ADAMTS17: variants seen among roughly 807,000 people sequenced by gnomAD.
ADAMTS17 encodes ADAM metallopeptidase with thrombospondin type 1 motif 17.
In ADAMTS17, 113 loss-of-function variants were observed where a neutral mutation model predicts 141.5. That is an observed-to-expected ratio of 0.80 (90% CI 0.69 to 0.93). The LOEUF (loss-of-function observed/expected upper bound fraction) is 0.93, where lower values mean the gene tolerates loss of function less well. Among genes scored for constraint, ADAMTS17 ranks in the 40% least tolerant of loss-of-function variants. The pLI is 0.00. For synonymous variants in ADAMTS17, 768 were observed against 630.6 expected (o/e 1.22, Z -3.27); for missense variants, 1,659 against 1,517.9 (o/e 1.09, Z -1.54).
intron 12 of ADAMTS17, among the ~76,000 whole-genome samples, chr15:100,122,611 C>T (rs2037506647): frequency 6.6e-6 from 1 of 152,134 alleles, no homozygotes; most frequent in South Asian, 2.1e-4. Flanking sequence ...TATTAATAGC[C>T]TATTATCAAA....
At position 100,152,593 on chromosome 15, in the gene ADAMTS17, C is replaced by A. The variant is rs370964046; in HGVS notation, c.1473+19G>T. ...GGATCCATGCTCTGTCCCGAGCCAG[C>A]CCTCCCACGGCTGCTTACCTCCATG... On this transcript the variant is annotated intron_variant, in intron 10 of 21. Coordinates refer to ENST00000268070, the MANE Select transcript of ADAMTS17 (RefSeq NM_139057.4). The A allele has an allele frequency of 1.9e-6, 3 of 1,612,626 alleles. No homozygotes were observed. Among genetic ancestry groups the A allele is most frequent in the South Asian group, 2.2e-5 (2 of 91,074 alleles).
At chr15:100,154,140 C>T (rs921416842) in intron 9 of ADAMTS17, among the ~76,000 whole-genome samples, 3 of 152,088 alleles carry the variant, frequency 2.0e-5, no homozygotes, top group Non-Finnish European at 2.9e-5. Flanking sequence ...AAGATCGCAC[C>T]ACTGCACTCC....
chr15:100,263,148 G>C (rs1416631011), intron 4 of ADAMTS17, among the ~76,000 whole-genome samples: 1 of 152,200 alleles, frequency 6.6e-6, no homozygotes, highest in Non-Finnish European at 1.5e-5. Flanking sequence ...TTTCATGCTT[G>C]GGGTTTAAGG....
chr15:100,008,164 G>A (rs573709388), intron 18 of ADAMTS17, among the ~76,000 whole-genome samples: 1 of 152,098 alleles, frequency 6.6e-6, no homozygotes, highest in African/African-American at 2.4e-5. Context: ...TGCTTGCTGA[G>A]TGGGCTCTGC....
intron 7 of ADAMTS17, among the ~76,000 whole-genome samples, chr15:100,249,174 C>T (rs146225389): frequency 1.3e-5 from 2 of 152,286 alleles, no homozygotes; most frequent in East Asian, 3.9e-4. Context: ...TGTGGTGAGG[C>T]CTCTGCACTG....
At chr15:100,125,124 T>C (rs2037663758) in intron 12 of ADAMTS17, among the ~76,000 whole-genome samples, 2 of 152,206 alleles carry the variant, frequency 1.3e-5, no homozygotes, top group African/African-American at 2.4e-5. Flanking sequence ...CTGGCAGTTC[T>C]GGTCCCTGCC....
At position 99,973,973 on chromosome 15, in the gene ADAMTS17, T is replaced by G. The variant is rs2581346; in HGVS notation, c.*429A>C. The G allele has an allele frequency of 0.62, 170,439 of 275,350 alleles. 53,705 individuals are homozygous for G. The highest frequency in any genetic ancestry group is 0.64 in the Non-Finnish European group (90,996 of 141,722). 17.1% of individuals were successfully genotyped at this position (275,350 alleles called of 1,614,324 possible). On this transcript the variant is annotated 3_prime_UTR_variant, in exon 22 of 22. Coordinates refer to ENST00000268070, the MANE Select transcript of ADAMTS17 (RefSeq NM_139057.4). ...TCACCAACACCTGCCCCTCCCTCCA[T>G]GGTGTCGCCGGCTTTCAGAATAAAG...
chr15:100,277,450 C>G (rs1279115969), intron 4 of ADAMTS17, among the ~76,000 whole-genome samples: 1 of 152,180 alleles, frequency 6.6e-6, no homozygotes, highest in Non-Finnish European at 1.5e-5. Context: ...AAGCAAATAT[C>G]AAAGTCGAAG....
In ADAMTS17 at chr15:100,331,191, C is replaced by G. The variant is rs1228427322; in HGVS notation, c.451-137G>C. 5 of 1,084,440 alleles carry G rather than the reference C, an allele frequency of 4.6e-6. No homozygotes were observed. The Admixed American group carries it at 5.9e-5, about 13-fold the overall frequency. The allele number at this position is 1,084,440 out of a possible 1,614,324, so 67.2% of individuals were successfully genotyped here. On this transcript the variant is annotated intron_variant, in intron 2 of 21. Coordinates refer to ENST00000268070, the MANE Select transcript of ADAMTS17 (RefSeq NM_139057.4). ...TGGGCTCGTTTCTTTGCAGATTGGT[C>G]AGATTTACCTGAGCCCAAGAGTGAG...
chr15:100,077,283 CAAAAAAAAAAAAA>C (rs71151934), intron 15 of ADAMTS17, among the ~76,000 whole-genome samples: 5 of 54,606 alleles, frequency 9.2e-5, no homozygotes, highest in South Asian at 1.8e-3. Context: ...ATCTCTACCA[CAAAAAAAAAAAAA>C]AAAAAAAAAA....
intron 12 of ADAMTS17, among the ~76,000 whole-genome samples, chr15:100,131,044 A>G (rs1042910518): frequency 6.6e-6 from 1 of 152,218 alleles, no homozygotes; most frequent in South Asian, 2.1e-4. Flanking sequence ...CCATAAAAAA[A>G]GGATGGGTTC....
intron 7 of ADAMTS17, among the ~76,000 whole-genome samples, chr15:100,230,120 A>T (rs113067499): frequency 0.048 from 7,240 of 152,348 alleles, 366 homozygotes; most frequent in African/African-American, 0.12. Flanking sequence ...AACCAGGGGC[A>T]TATTAACTGA....
intron 2 of ADAMTS17, among the ~76,000 whole-genome samples, chr15:100,332,297 A>T (rs2046076714): frequency 6.6e-6 from 1 of 152,334 alleles, no homozygotes; most frequent in East Asian, 1.9e-4. Context: ...GAAATGGAAG[A>T]CGGTGGCCAC....
chr15:100,199,734 A>G (rs1394265493), intron 7 of ADAMTS17, among the ~76,000 whole-genome samples: 1 of 152,200 alleles, frequency 6.6e-6, no homozygotes, highest in Non-Finnish European at 1.5e-5. Flanking sequence ...AAGGAAAGGT[A>G]ACTCTCCCAA....
At chr15:100,065,798 C>T (rs954438172) in intron 15 of ADAMTS17, among the ~76,000 whole-genome samples, 1 of 152,164 alleles carries the variant, frequency 6.6e-6, no homozygotes, top group African/African-American at 2.4e-5. Flanking sequence ...TGGTTTGCTG[C>T]ACCCGTCAAC....
At chr15:100,017,042 GGCT>G (rs2061304762) in intron 18 of ADAMTS17, among the ~76,000 whole-genome samples, 1 of 152,158 alleles carries the variant, frequency 6.6e-6, no homozygotes, top group Non-Finnish European at 1.5e-5. Context: ...GTCTTGCTGT[GGCT>G]GCTATGGGGG....
intron 12 of ADAMTS17, among the ~76,000 whole-genome samples, chr15:100,118,983 G>C (rs1216608764): frequency 6.6e-6 from 1 of 151,894 alleles, no homozygotes; most frequent in Non-Finnish European, 1.5e-5. Context: ...GGCTATACTA[G>C]AGTAGGTTGA....
chr15:100,164,483 C>G (rs1379721323), intron 8 of ADAMTS17, among the ~76,000 whole-genome samples: 2 of 152,184 alleles, frequency 1.3e-5, no homozygotes, highest in Admixed American at 1.3e-4. Flanking sequence ...TTTACATTCT[C>G]TAAGGGAATA....
rs543801331 is a variant in ADAMTS17 at position 99,972,743 on chromosome 15, T to C, written c.*1659A>G. The C allele has an allele frequency of 6.6e-6, 1 of 152,218 alleles. No individual in the cohort carries two copies. Among genetic ancestry groups the C allele is most frequent in the Admixed American group, 6.5e-5 (1 of 15,288 alleles). 9.4% of individuals were successfully genotyped at this position (152,218 alleles called of 1,614,324 possible). On this transcript the variant is annotated 3_prime_UTR_variant, in exon 22 of 22. Transcript: ENST00000268070. ...GTTGATTCAAGTGGAAGTGAGTAAATTCCCTGACATCCCTACCGCTTCTCT... is the reference window on the plus strand; with the variant it reads ...GTTGATTCAAGTGGAAGTGAGTAAACTCCCTGACATCCCTACCGCTTCTCT...
Sources: gnomAD v4.1 joint callset for allele counts (sites outside exome capture counted in the v4.1 genomes callset) on GRCh38, gnomAD v4.1.1 for gene constraint, MANE v1.5 for transcripts, NCBI Gene and HGNC (gene_info 2026-07-23, HGNC 2026-07-21) for gene names.